The following TMOD3 variants were observed in gnomAD, a reference collection of about 807,000 sequenced individuals.
TMOD3 encodes tropomodulin 3.
A neutral mutation model predicts 39.2 loss-of-function variants in TMOD3; 20 were observed. The observed-to-expected ratio is 0.51, with a 90% confidence interval of 0.36 to 0.74. TMOD3 has a LOEUF of 0.74. TMOD3 is among the 30% of genes least tolerant of loss of function. The probability of loss-of-function intolerance (pLI) is 0.00; values close to 1 mark genes in which losing one functional copy is unlikely to be tolerated. For synonymous variants in TMOD3, 143 were observed against 145.8 expected, an observed-to-expected ratio of 0.98 and a Z score of 0.14; for missense variants, 381 against 412.8, an observed-to-expected ratio of 0.92 and a Z score of 0.67.
chr15:51,878,277 A>G (rs1478633517), intron 3 of TMOD3, among the ~76,000 whole-genome samples: 1 of 152,164 alleles, frequency 6.6e-6, no homozygotes, highest in African/African-American at 2.4e-5. Context: ...CATGCCTGTA[A>G]TCCAAGCCCT....
At chr15:51,870,169 C>G (rs997279523) in intron 3 of TMOD3, among the ~76,000 whole-genome samples, 8 of 152,150 alleles carry the variant, frequency 5.3e-5, no homozygotes, top group Non-Finnish European at 8.8e-5. Flanking sequence ...GAACTCCTGA[C>G]CTCAAGTGAT....
chr15:51,831,632 TCA>T (rs1467338118), intron 1 of TMOD3, among the ~76,000 whole-genome samples: 2 of 151,622 alleles, frequency 1.3e-5, no homozygotes, highest in African/African-American at 4.9e-5. Flanking sequence ...TTTTCAACTC[TCA>T]GTTTTTTAAA....
At chr15:51,899,452 G>C (rs2056637968) in intron 7 of TMOD3, among the ~76,000 whole-genome samples, 1 of 152,128 alleles carries the variant, frequency 6.6e-6, no homozygotes, top group African/African-American at 2.4e-5. Context: ...GATTGCTTGA[G>C]CCCAGGAGTT....
At chr15:51,845,861 C>G (rs1188685758) in intron 1 of TMOD3, among the ~76,000 whole-genome samples, 1 of 152,090 alleles carries the variant, frequency 6.6e-6, no homozygotes, top group African/African-American at 2.4e-5. Flanking sequence ...TGTTATAGAG[C>G]TTGGAGAAGG....
At chr15:51,845,977 T>A (rs1263087610) in intron 1 of TMOD3, among the ~76,000 whole-genome samples, 2 of 152,082 alleles carry the variant, frequency 1.3e-5, no homozygotes, top group African/African-American at 4.8e-5. Flanking sequence ...TAAAAACTTT[T>A]AAAAATCTAT....
intron 5 of TMOD3, among the ~76,000 whole-genome samples, chr15:51,891,639 A>T (rs1024818669): frequency 6.6e-6 from 1 of 152,058 alleles, no homozygotes; most frequent in Non-Finnish European, 1.5e-5. Flanking sequence ...GGCTCTTAAG[A>T]TTTCTCTCCC....
intron 9 of TMOD3, among the ~76,000 whole-genome samples, chr15:51,905,118 A>G (rs1027439369): frequency 2.6e-5 from 4 of 152,266 alleles, no homozygotes; most frequent in African/African-American, 9.6e-5. Flanking sequence ...TGTGGATTTT[A>G]AGAACTGACT....
chr15:51,895,896 G>A (rs1388648051), intron 6 of TMOD3, among the ~76,000 whole-genome samples: 1 of 152,152 alleles, frequency 6.6e-6, no homozygotes, highest in African/African-American at 2.4e-5. Flanking sequence ...ATCACCTGAG[G>A]TCAGGAGTTC....
chr15:51,839,159 ATC>A lies in TMOD3; in HGVS notation c.-75+9329_-75+9330del, dbSNP rs1242222900. ...AGATTGACAGCTAAGAAATAGGTGT[ATC>A]TCTCTTTTTTTTTTTTTCCATTTTG... On this transcript the variant is annotated intron_variant, in intron 1 of 9. Coordinates refer to ENST00000308580, the MANE Select transcript of TMOD3 (RefSeq NM_014547.5). Among the ~76,000 whole-genome samples, 5 of 78,190 alleles carry A rather than the reference ATC, an allele frequency of 6.4e-5. 1 individual carries two copies. The highest frequency in any genetic ancestry group is 3.1e-4 in the Admixed American group (2 of 6,494). 51.3% of individuals were successfully genotyped at this position (78,190 alleles called of 152,430 possible).
chr15:51,902,644 ATTTT>A (rs200954393), intron 9 of TMOD3, among the ~76,000 whole-genome samples: 8 of 95,022 alleles, frequency 8.4e-5, no homozygotes, highest in African/African-American at 2.6e-4. Context: ...TAATTTTTGT[ATTTT>A]TTTTTTTTTT....
At chr15:51,845,976 T>G (rs1023671522) in intron 1 of TMOD3, among the ~76,000 whole-genome samples, 1 of 152,100 alleles carries the variant, frequency 6.6e-6, no homozygotes. Context: ...TTAAAAACTT[T>G]TAAAAATCTA....
chr15:51,851,292 T>C (rs1005946369), intron 1 of TMOD3, among the ~76,000 whole-genome samples: 1 of 152,188 alleles, frequency 6.6e-6, no homozygotes, highest in African/African-American at 2.4e-5. Context: ...CCAGTAAGCA[T>C]TGAAAATCTT....
intron 1 of TMOD3, among the ~76,000 whole-genome samples, chr15:51,852,818 T>C (rs2056369128): frequency 6.6e-6 from 1 of 152,190 alleles, no homozygotes; most frequent in South Asian, 2.1e-4. Context: ...GATTCTCTGC[T>C]CTTCAAGAGC....
chr15:51,863,157 C>G (rs2056427818), intron 2 of TMOD3, 147 bp downstream of exon 2: 4 of 708,752 alleles, frequency 5.6e-6, no homozygotes, highest in Admixed American at 6.0e-5. Flanking sequence ...TTGGCTCTCT[C>G]TCCAGTTCCC....
At chr15:51,877,779 C>G (rs2056512375) in intron 3 of TMOD3, among the ~76,000 whole-genome samples, 1 of 152,096 alleles carries the variant, frequency 6.6e-6, no homozygotes, top group African/African-American at 2.4e-5. Flanking sequence ...TCTGAGTTCC[C>G]TACCCAATTG....
Position 51,872,435 on chromosome 15 carries a change from C to T in TMOD3, c.283+3062C>T, listed in dbSNP as rs528517627. Among the ~76,000 whole-genome samples the T allele has an allele frequency of 3.3e-5, 5 of 151,986 alleles. No homozygotes were observed. The East Asian group carries it at 7.7e-4, about 24-fold the overall frequency. ...CATCAGCACCCACTGAAGGCCCTAT[C>T]ATGCTCCTTCCCAGTCACTTTTCCC... is the stretch of plus-strand genomic sequence containing the variant. On this transcript the variant is annotated intron_variant, in intron 3 of 9. Coordinates refer to ENST00000308580, the MANE Select transcript of TMOD3 (RefSeq NM_014547.5).
At chr15:51,836,439 T>C (rs558347609) in intron 1 of TMOD3, among the ~76,000 whole-genome samples, 2 of 152,148 alleles carry the variant, frequency 1.3e-5, no homozygotes, top group Admixed American at 6.5e-5. Context: ...TTCACCCTTA[T>C]ACTACTCTTA....
At chr15:51,841,559 T>G (rs1443024916) in intron 1 of TMOD3, among the ~76,000 whole-genome samples, 1 of 152,234 alleles carries the variant, frequency 6.6e-6, no homozygotes, top group Non-Finnish European at 1.5e-5. Context: ...TCCTGGAGAC[T>G]GTGAACCAAG....
At chr15:51,831,491 G>A (rs192339819) in intron 1 of TMOD3, among the ~76,000 whole-genome samples, 8 of 152,288 alleles carry the variant, frequency 5.3e-5, no homozygotes, top group Admixed American at 5.2e-4. Flanking sequence ...ATGTCTGATG[G>A]GTGATGCTGT....
Sources: allele counts gnomAD v4.1 joint callset (sites outside exome capture counted in the v4.1 genomes callset), GRCh38; gene constraint gnomAD v4.1.1; transcripts MANE v1.5; gene names NCBI Gene and HGNC (gene_info 2026-07-23, HGNC 2026-07-21).